CSMD1: variants seen among roughly 807,000 people sequenced by gnomAD.
The protein encoded by CSMD1 is CUB and sushi domain-containing protein 1.
Under a neutral mutation model 417.5 loss-of-function variants are expected in CSMD1, and 213 were observed. That is an observed-to-expected ratio of 0.51 (90% CI 0.46 to 0.57). The LOEUF (loss-of-function observed/expected upper bound fraction) is 0.57. Among genes scored for constraint, CSMD1 ranks in the 20% least tolerant of loss-of-function variants. The pLI is 0.00. For synonymous variants in CSMD1, 2,862 were observed against 1,736.8 expected (o/e 1.65, Z -16.11); for missense variants, 6,923 against 4,529.7 (o/e 1.53, Z -15.17).
intron 1 of CSMD1, among the ~76,000 whole-genome samples, chr8:4,677,275 C>A (rs1234394562): frequency 6.6e-6 from 1 of 151,560 alleles, no homozygotes; most frequent in Non-Finnish European, 1.5e-5. Context: ...AGGAATCCAA[C>A]AATGTAGTTA....
chr8:3,982,792 G>A (rs1813982574), intron 5 of CSMD1, among the ~76,000 whole-genome samples: 2 of 152,306 alleles, frequency 1.3e-5, no homozygotes, highest in South Asian at 4.1e-4. Context: ...ACGAGGGCAA[G>A]AATCCGCTGG....
intron 7 of CSMD1, among the ~76,000 whole-genome samples, chr8:3,627,391 A>C (rs193291268): frequency 6.6e-6 from 1 of 152,312 alleles, no homozygotes; most frequent in East Asian, 1.9e-4. Flanking sequence ...TATATCCTTA[A>C]AGAAATCACG....
intron 4 of CSMD1, among the ~76,000 whole-genome samples, chr8:4,003,149 T>G (rs1337169840): frequency 1.3e-5 from 2 of 151,988 alleles, no homozygotes; most frequent in South Asian, 4.2e-4. Context: ...GTCCCAACAC[T>G]TTGGGAGCCC....
intron 3 of CSMD1, among the ~76,000 whole-genome samples, chr8:4,104,590 T>C (rs189778514): frequency 2.2e-3 from 332 of 152,292 alleles, no homozygotes; most frequent in African/African-American, 7.4e-3. Flanking sequence ...AATTAATAAT[T>C]GCATGAGAAC....
Position 4,708,115 on chromosome 8 carries a change from T to G in CSMD1, c.86-70557A>C, listed in dbSNP as rs549646458. Among the ~76,000 whole-genome samples, 8 of 127,624 alleles carry G rather than the reference T, an allele frequency of 6.3e-5. No individual in the cohort carries two copies. In the East Asian group the frequency reaches 1.9e-3, roughly 30 times the overall value. 83.7% of individuals were successfully genotyped at this position (127,624 alleles called of 152,430 possible). On this transcript the variant is annotated intron_variant, in intron 1 of 69. Transcript: ENST00000635120. Reference sequence around the variant, plus strand: ...TCTGCCAATACACTGGCTAATTTTTTGTATTTTTTTTTATTTTTTTGTAGA... The same window carrying G: ...TCTGCCAATACACTGGCTAATTTTTGGTATTTTTTTTTATTTTTTTGTAGA...
chr8:3,570,213 T>A (rs1799887369), intron 10 of CSMD1, among the ~76,000 whole-genome samples: 1 of 152,242 alleles, frequency 6.6e-6, no homozygotes, highest in Non-Finnish European at 1.5e-5. Context: ...GAAGATACTG[T>A]GATTGGAATC....
At chr8:4,542,078 C>T (rs1797413903) in intron 2 of CSMD1, among the ~76,000 whole-genome samples, 1 of 152,104 alleles carries the variant, frequency 6.6e-6, no homozygotes, top group South Asian at 2.1e-4. Flanking sequence ...CCTCTAGCTT[C>T]TTACCAAGTG....
chr8:4,111,993 G>C (rs1429073048), intron 3 of CSMD1, among the ~76,000 whole-genome samples: 4 of 151,604 alleles, frequency 2.6e-5, no homozygotes, highest in South Asian at 2.1e-4. Flanking sequence ...GTATTATTTT[G>C]TTTATACCAA....
chr8:4,383,671 A>G (rs1803252293), intron 3 of CSMD1, among the ~76,000 whole-genome samples: 2 of 152,326 alleles, frequency 1.3e-5, no homozygotes, highest in South Asian at 4.1e-4. Context: ...TTCCAAAGAA[A>G]GAAACCAAAA....
chr8:4,004,040 T>C (rs1055345604), intron 4 of CSMD1, among the ~76,000 whole-genome samples: 3 of 152,078 alleles, frequency 2.0e-5, no homozygotes, highest in Admixed American at 6.6e-5. Flanking sequence ...AAATACTCTA[T>C]AGTAAAACAG....
intron 3 of CSMD1, among the ~76,000 whole-genome samples, chr8:4,174,005 G>T (rs1400299982): frequency 6.6e-6 from 1 of 152,122 alleles, no homozygotes; most frequent in African/African-American, 2.4e-5. Context: ...ACCATGCCTG[G>T]ATCAATCACC....
chr8:4,177,919 G>C (rs1224941137), intron 3 of CSMD1, among the ~76,000 whole-genome samples: 1 of 151,918 alleles, frequency 6.6e-6, no homozygotes, highest in Non-Finnish European at 1.5e-5. Context: ...AACAGGATCT[G>C]AAATTGTGGC....
intron 2 of CSMD1, among the ~76,000 whole-genome samples, chr8:4,440,669 G>C (rs777223308): frequency 3.3e-5 from 5 of 152,180 alleles, no homozygotes; most frequent in East Asian, 3.9e-4. Flanking sequence ...TGCTGCTTGA[G>C]AATTTTATCA....
At chr8:4,214,092 A>T (rs554870178) in intron 3 of CSMD1, among the ~76,000 whole-genome samples, 1 of 152,106 alleles carries the variant, frequency 6.6e-6, no homozygotes, top group Non-Finnish European at 1.5e-5. Context: ...CCAGCATCTT[A>T]CTCCCTCAAT....
intron 8 of CSMD1, among the ~76,000 whole-genome samples, chr8:3,614,822 C>T (rs997469633): frequency 1.3e-5 from 2 of 152,100 alleles, no homozygotes; most frequent in Non-Finnish European, 2.9e-5. Context: ...ATTCTGGAGA[C>T]GCTTAAGACA....
At chr8:3,503,424 T>A (rs1346071995) in intron 10 of CSMD1, among the ~76,000 whole-genome samples, 1 of 152,218 alleles carries the variant, frequency 6.6e-6, no homozygotes, top group African/African-American at 2.4e-5. Flanking sequence ...GGAAATAAAG[T>A]TTGCACAGGC....
In CSMD1 at chr8:4,475,170, G is replaced by C. The variant is rs551066072; in HGVS notation, c.303-55105C>G. On this transcript the variant is annotated intron_variant, in intron 2 of 69. Transcript: ENST00000635120. ...TAAGCAAGCCTATTGATATGATTAT[G>C]GTTGCCTATAATACAGGGCTGTGAA... is the stretch of plus-strand genomic sequence containing the variant. Among the ~76,000 whole-genome samples, 5 of 152,232 alleles carry C rather than the reference G, an allele frequency of 3.3e-5. No individual in the cohort carries two copies. The East Asian group carries it at 9.7e-4, about 29-fold the overall frequency.
intron 1 of CSMD1, among the ~76,000 whole-genome samples, chr8:4,812,835 G>C (rs1029480806): frequency 2.0e-5 from 3 of 152,122 alleles, no homozygotes; most frequent in Non-Finnish European, 2.9e-5. Flanking sequence ...ACTTTTCATA[G>C]GGAATCTATT....
Position 3,952,872 on chromosome 8 carries a change from A to T in CSMD1, c.818+45031T>A, listed in dbSNP as rs111638814. 6.6e-3 allele frequency among the ~76,000 whole-genome samples: 1,006 copies of T among 152,328 alleles called. 9 individuals carry two copies. The highest frequency in any genetic ancestry group is 0.02 in the African/African-American group (825 of 41,588). On this transcript the variant is annotated intron_variant, in intron 5 of 69. Coordinates refer to ENST00000635120, the MANE Select transcript of CSMD1 (RefSeq NM_033225.6). ...GCAGTGAAAATAAGAGCAAAAAACA[A>T]ATCATCTCTAACCCAAGGCAACTCA... is the stretch of plus-strand genomic sequence containing the variant.
Sources: gnomAD v4.1 joint callset for allele counts (sites outside exome capture counted in the v4.1 genomes callset) on GRCh38, gnomAD v4.1.1 for gene constraint, MANE v1.5 for transcripts, NCBI Gene and HGNC (gene_info 2026-07-23, HGNC 2026-07-21) for gene names.